Variants in CPEB3 observed in about 807,000 individuals in gnomAD.
CPEB3 encodes cytoplasmic polyadenylation element binding protein 3.
Under a neutral mutation model 67.2 loss-of-function variants are expected in CPEB3, and 20 were observed. The ratio of observed to expected loss-of-function variants is 0.30; its 90% CI spans 0.21 to 0.43. CPEB3 has a LOEUF of 0.43. Among genes scored for constraint, CPEB3 ranks in the 20% least tolerant of loss-of-function variants. The pLI, the probability that CPEB3 is intolerant of heterozygous loss-of-function variation, is 1.00. For missense variants in CPEB3, 746 were observed against 968.6 expected (o/e 0.77, Z 3.05); for synonymous variants, 376 against 393.1 (o/e 0.96, Z 0.51).
At chr10:92,265,935 C>A (rs563708088) in intron 1 of CPEB3, among the ~76,000 whole-genome samples, 11 of 151,818 alleles carry the variant, frequency 7.2e-5, no homozygotes, top group African/African-American at 2.7e-4. Flanking sequence ...GCTCTGCCCT[C>A]ATGAATGGAT....
intron 1 of CPEB3, among the ~76,000 whole-genome samples, chr10:92,250,449 A>G (rs1214637405): frequency 2.6e-5 from 4 of 152,142 alleles, no homozygotes; most frequent in South Asian, 2.1e-4. Context: ...GCTAAGGTCA[A>G]TTTTCTTGGA....
rs1246840349 is a variant in CPEB3, at chr10:92,239,792, G to A, written c.559C>T (p.Pro187Ser). The change falls in exon 2 of 10, where the codon CCG becomes TCG. Residue 187 changes from proline (P) to serine (S), a missense_variant. Around this residue, in one of 2 missense-constraint regions of CPEB3, gnomAD observed 643 missense variants for 717.5 expected, o/e 0.90. Coordinates refer to ENST00000265997, the MANE Select transcript of CPEB3 (RefSeq NM_014912.5). This position sits in a 1 kb window ranked among gnomAD's most constrained non-coding sequence, Gnocchi z 6.0. Reference protein sequence around the residue: ...QPAQPPQAQPPQQRRSPASPS... With the variant: ...QPAQPPQAQPSQQRRSPASPS... Reference sequence around the variant, plus strand: ...CTGGCGGGTGAGCGGCGCTGCTGCGGGGGCTGCGCCTGTGGTGGCTGCGCT... The same window carrying A: ...CTGGCGGGTGAGCGGCGCTGCTGCGAGGGCTGCGCCTGTGGTGGCTGCGCT... 5 of 1,411,800 alleles carry A rather than the reference G, an allele frequency of 3.5e-6. No homozygotes were observed. The highest frequency in any genetic ancestry group is 2.9e-5 in the East Asian group (1 of 34,628). 87.5% of individuals were successfully genotyped at this position (1,411,800 alleles called of 1,614,324 possible). A position where few individuals can be genotyped will look rare whatever the true frequency, so the allele number is the denominator to read the frequency against.
intron 4 of CPEB3, among the ~76,000 whole-genome samples, chr10:92,165,134 A>G (rs563349632): frequency 6.6e-6 from 1 of 152,208 alleles, no homozygotes; most frequent in African/African-American, 2.4e-5. Flanking sequence ...AAAACAATAT[A>G]TATAACTTAA....
At chr10:92,240,567 CTG>C (rs1172668229) in intron 1 of CPEB3, among the ~76,000 whole-genome samples, 1 of 152,194 alleles carries the variant, frequency 6.6e-6, no homozygotes, top group Non-Finnish European at 1.5e-5. Flanking sequence ...TCTAAAAATA[CTG>C]TGAGAGCGTC....
At chr10:92,060,697 G>A (rs1842309063) in intron 9 of CPEB3, among the ~76,000 whole-genome samples, 1 of 152,102 alleles carries the variant, frequency 6.6e-6, no homozygotes, top group African/African-American at 2.4e-5. Flanking sequence ...ATCAGATATG[G>A]GCAAAAGATT....
At chr10:92,065,713 T>C (rs1842519840) in intron 9 of CPEB3, among the ~76,000 whole-genome samples, 1 of 152,150 alleles carries the variant, frequency 6.6e-6, no homozygotes, top group Admixed American at 6.5e-5. Context: ...AAAGAGTACA[T>C]CTGGGACTCA....
intron 6 of CPEB3, among the ~76,000 whole-genome samples, chr10:92,119,789 A>C (rs777144191): frequency 1.3e-5 from 2 of 152,118 alleles, no homozygotes; most frequent in Non-Finnish European, 2.9e-5. Context: ...TTATCATTGA[A>C]CATATTAAAG....
intron 2 of CPEB3, among the ~76,000 whole-genome samples, chr10:92,202,846 A>G (rs1406079488): frequency 6.6e-6 from 1 of 151,970 alleles, no homozygotes; most frequent in Non-Finnish European, 1.5e-5. Flanking sequence ...AAACCGCTAC[A>G]TTGTATATTT....
chr10:92,160,262 A>C (rs981181604), intron 4 of CPEB3, among the ~76,000 whole-genome samples: 1 of 152,094 alleles, frequency 6.6e-6, no homozygotes, highest in Non-Finnish European at 1.5e-5. Context: ...ATCTCTTCTG[A>C]ATTTACATAG....
At chr10:92,103,947 G>A (rs1207722423) in intron 7 of CPEB3, among the ~76,000 whole-genome samples, 1 of 152,178 alleles carries the variant, frequency 6.6e-6, no homozygotes, top group Admixed American at 6.5e-5. Flanking sequence ...AAAAGTTCAG[G>A]TTACCTAAGT....
chr10:92,118,875 C>G (rs1244363895), intron 6 of CPEB3: 1 of 822,406 alleles, frequency 1.2e-6, no homozygotes, highest in Non-Finnish European at 2.2e-6. Context: ...CACCATGACA[C>G]TGGTACTGCT....
intron 1 of CPEB3, among the ~76,000 whole-genome samples, chr10:92,245,239 G>T (rs1391761703): frequency 1.4e-5 from 2 of 144,778 alleles, no homozygotes; most frequent in African/African-American, 5.1e-5. Flanking sequence ...CCAGGTTCAA[G>T]TGATTCTCCT....
chr10:92,139,289 T>TAAA (rs3048542), intron 6 of CPEB3, among the ~76,000 whole-genome samples: 3 of 71,150 alleles, frequency 4.2e-5, no homozygotes, highest in African/African-American at 1.1e-4. Context: ...CACACACACA[T>TAAA]AAAAAAAAAA....
At chr10:92,287,597 T>A (rs1842590053) in intron 1 of CPEB3, among the ~76,000 whole-genome samples, 1 of 152,206 alleles carries the variant, frequency 6.6e-6, no homozygotes, top group African/African-American at 2.4e-5. Context: ...AGTTATCTGT[T>A]TATATGCTTC....
At position 92,139,642 on chromosome 10, in the gene CPEB3, C is replaced by T. The variant is rs559396741; in HGVS notation, c.1453+3387G>A. On this transcript the variant is annotated intron_variant, in intron 6 of 9. Coordinates refer to ENST00000265997, the MANE Select transcript of CPEB3 (RefSeq NM_014912.5). ...CTTTGATAGTACAACAGGGTGACTA[C>T]AATCAACAATAATCTACTGTATATT... 1.8e-3 allele frequency among the ~76,000 whole-genome samples: 275 copies of T among 152,206 alleles called. 1 individual carries two copies. The highest frequency in any genetic ancestry group is 6.4e-3 in the African/African-American group (267 of 41,540).
At chr10:92,291,175 A>C (rs2135164400), upstream of CPEB3, 2 of 472,586 alleles carry the variant, frequency 4.2e-6, no homozygotes, top group East Asian at 8.4e-5. Flanking sequence ...TTACCTCACA[A>C]AGGTAGCTCC....
In CPEB3 at chr10:92,239,941, T is replaced by C; in HGVS notation, c.410A>G (p.Gln137Arg). 1 of 1,613,478 alleles carries C rather than the reference T, an allele frequency of 6.2e-7. No homozygotes were observed. Among genetic ancestry groups the C allele is most frequent in the Non-Finnish European group, 8.5e-7 (1 of 1,179,694 alleles). ...TGGGTTGACATGGTGCGGGAAGTTC[T>C]GGAAGAGCATGGTCCCGTTGACTGG... Reference protein sequence around the residue: ...ITPVNGTMLFQNFPHHVNPVF... With the variant: ...ITPVNGTMLFRNFPHHVNPVF... Residue 137 changes from glutamine (Q) to arginine (R), a missense_variant, in exon 2 of 10, where the codon CAG (glutamine) becomes CGG (arginine). Gln to Arg is a conservative substitution (Grantham distance 43, BLOSUM62 1). This residue lies in a region of CPEB3 where 643 missense variants were observed against 717.5 expected (regional missense o/e 0.90). Transcript: ENST00000265997. This position sits in a 1 kb window ranked among gnomAD's most constrained non-coding sequence, Gnocchi z 6.0.
At chr10:92,145,327 C>G (rs567138957) in intron 4 of CPEB3, among the ~76,000 whole-genome samples, 1 of 152,118 alleles carries the variant, frequency 6.6e-6, no homozygotes, top group African/African-American at 2.4e-5. Flanking sequence ...AGATTGCTAA[C>G]TAAAGAAAAA....
Position 92,105,715 on chromosome 10 carries a change from G to GTTTT in CPEB3, c.1572+5357_1572+5360dup, listed in dbSNP as rs999673116. On this transcript the variant is annotated intron_variant, in intron 7 of 9. Coordinates refer to ENST00000265997, the MANE Select transcript of CPEB3 (RefSeq NM_014912.5). ...GTGTATTTATATACTTGTTTTGTGG[G>GTTTT]TTTTTTTTTTTTTTTTTTTTCTGAG... 2.8e-4 allele frequency among the ~76,000 whole-genome samples: 31 copies of GTTTT among 109,698 alleles called. 1 individual carries two copies. Among genetic ancestry groups the GTTTT allele is most frequent in the African/African-American group, 4.1e-4 (11 of 27,060 alleles). The allele number at this position is 109,698 out of a possible 152,430, so 72.0% of individuals were successfully genotyped here. A position where few individuals can be genotyped will look rare whatever the true frequency, so the allele number is the denominator to read the frequency against.
Sources: allele counts gnomAD v4.1 joint callset (sites outside exome capture counted in the v4.1 genomes callset), GRCh38; gene constraint gnomAD v4.1.1; regional missense constraint gnomAD v4.1.1; non-coding constraint Gnocchi (gnomAD v3.1); transcripts MANE v1.5; gene names NCBI Gene and HGNC (gene_info 2026-07-23, HGNC 2026-07-21).